The following GCNT2 variants were observed in gnomAD, a reference collection of about 807,000 sequenced individuals.
The protein encoded by GCNT2 is glucosaminyl (N-acetyl) transferase 2 (I blood group), also known as N-acetyllactosaminide beta-1,6-N-acetylglucosaminyl-transferase.
GCNT2 carries 34 observed loss-of-function variants against 34.2 expected under a neutral mutation model. That is an observed-to-expected ratio of 1.00 (90% CI 0.76 to 1.32). GCNT2 has a LOEUF of 1.32. Ranked by LOEUF, GCNT2 falls within the 40% of genes most tolerant of loss-of-function variation. GCNT2 has a pLI of 0.00. For synonymous variants in GCNT2, 212 were observed against 188.0 expected (o/e 1.13, Z -1.04); for missense variants, 584 against 489.4 (o/e 1.19, Z -1.82).
chr6:10,529,974 T>A (rs2113514730), intron 3 of GCNT2, 138 bp downstream of exon 3: 1 of 733,742 alleles, frequency 1.4e-6, no homozygotes, highest in South Asian at 1.7e-5. Context: ...AAAAATTTCA[T>A]CTGTAAAATG....
chr6:10,527,788 G>A (rs1761272271), intron 2 of GCNT2, 128 bp downstream of exon 2: 1 of 151,946 alleles, frequency 6.6e-6, no homozygotes, highest in African/African-American at 2.4e-5. Context: ...TCTGTTCCTG[G>A]ACACGGCGAT....
At chr6:10,614,644 A>AAAAAAG (rs1214651898) in intron 3 of GCNT2, among the ~76,000 whole-genome samples, 2,047 of 143,748 alleles carry the variant, frequency 0.014, 82 homozygotes, top group African/African-American at 0.052. Flanking sequence ...AAAAAAAAAA[A>AAAAAAG]AGAGAAAAAG....
At chr6:10,563,619 G>A (rs1460532079) in intron 3 of GCNT2, among the ~76,000 whole-genome samples, 1 of 151,622 alleles carries the variant, frequency 6.6e-6, no homozygotes, top group African/African-American at 2.4e-5. Flanking sequence ...GCAGGACCCT[G>A]TAATCCCAGC....
At chr6:10,540,531 T>A (rs1340416983) in intron 3 of GCNT2, among the ~76,000 whole-genome samples, 1 of 70,752 alleles carries the variant, frequency 1.4e-5, no homozygotes, top group Non-Finnish European at 3.1e-5. Flanking sequence ...CAGTTCCCTC[T>A]ATGCCCGGGC....
intron 3 of GCNT2, among the ~76,000 whole-genome samples, chr6:10,537,500 A>T (rs1581373724): frequency 6.6e-6 from 1 of 152,212 alleles, no homozygotes; most frequent in African/African-American, 2.4e-5. Flanking sequence ...CAGAAGTTTG[A>T]GACCATCCTG....
intron 3 of GCNT2, among the ~76,000 whole-genome samples, chr6:10,533,323 A>G (rs1212602523): frequency 6.6e-6 from 1 of 152,084 alleles, no homozygotes; most frequent in Non-Finnish European, 1.5e-5. Flanking sequence ...AAAATTTAAA[A>G]AAAAATTAGT....
At chr6:10,532,908 T>G (rs986314810) in intron 3 of GCNT2, among the ~76,000 whole-genome samples, 1 of 145,964 alleles carries the variant, frequency 6.9e-6, no homozygotes, top group Non-Finnish European at 1.5e-5. Context: ...TATGTTGTGG[T>G]TTTTGCTTTT....
intron 3 of GCNT2, among the ~76,000 whole-genome samples, chr6:10,605,886 G>C (rs1765288589): frequency 6.6e-6 from 1 of 152,058 alleles, no homozygotes; most frequent in African/African-American, 2.4e-5. Context: ...GCTCCACTAG[G>C]GCTAGATGGT....
At chr6:10,586,864 A>G in intron 3 of GCNT2, 1 of 1,613,992 alleles carries the variant, frequency 6.2e-7, no homozygotes, top group South Asian at 1.1e-5. Context: ...TGGTCAAAAG[A>G]TACCTATAGT....
chr6:10,611,416 C>T (rs532488279), intron 3 of GCNT2, among the ~76,000 whole-genome samples: 4 of 151,888 alleles, frequency 2.6e-5, no homozygotes, highest in South Asian at 2.1e-4. Flanking sequence ...CTGAAACCTC[C>T]GCCTCCCGGA....
chr6:10,547,872 A>AT (rs1762333482), intron 3 of GCNT2, among the ~76,000 whole-genome samples: 1 of 152,140 alleles, frequency 6.6e-6, no homozygotes, highest in African/African-American at 2.4e-5. Context: ...TATTTATTCA[A>AT]TGGGTTATAA....
chr6:10,544,172 G>C (rs1443644909), intron 3 of GCNT2, among the ~76,000 whole-genome samples: 1 of 152,094 alleles, frequency 6.6e-6, no homozygotes, highest in Non-Finnish European at 1.5e-5. Context: ...AAATTAGCCG[G>C]GCGTGGTGGT....
At position 10,586,207 on chromosome 6, in the gene GCNT2, C is replaced by T; in HGVS notation, c.926-35144C>T. 2 of 1,614,118 alleles carry T rather than the reference C, an allele frequency of 1.2e-6. 1 individual carries two copies. The highest frequency in any genetic ancestry group is 2.2e-5 in the South Asian group (2 of 91,086). Reference sequence around the variant, plus strand: ...TTACCATCACCTTTGCGAAGTGTCCCTTGCAAGGATTACCTGACCCAGAAT... The same window carrying T: ...TTACCATCACCTTTGCGAAGTGTCCTTTGCAAGGATTACCTGACCCAGAAT... On this transcript the variant is annotated intron_variant, in intron 3 of 4. Transcript: ENST00000495262.
intron 3 of GCNT2, among the ~76,000 whole-genome samples, chr6:10,531,040 C>CAAAA (rs568195630): frequency 0.12 from 11,812 of 95,236 alleles, 543 homozygotes; most frequent in Middle Eastern, 0.17. Context: ...GACTCTGTCT[C>CAAAA]AAAAAAAAAA....
At chr6:10,599,795 T>G (rs1310994128) in intron 3 of GCNT2, among the ~76,000 whole-genome samples, 1 of 152,230 alleles carries the variant, frequency 6.6e-6, no homozygotes, top group Non-Finnish European at 1.5e-5. Context: ...CCATGAATTA[T>G]GAACTCTTTA....
intron 1 of GCNT2, among the ~76,000 whole-genome samples, chr6:10,522,620 G>A (rs746528878): frequency 2.0e-5 from 3 of 152,132 alleles, no homozygotes; most frequent in Admixed American, 1.3e-4. Flanking sequence ...TGCAATTATC[G>A]GAAGAAGGGA....
intron 3 of GCNT2, among the ~76,000 whole-genome samples, chr6:10,564,657 C>T (rs1488589640): frequency 6.6e-6 from 1 of 152,198 alleles, no homozygotes; most frequent in Non-Finnish European, 1.5e-5. Flanking sequence ...GTTGTGTGAC[C>T]TCGGACAAAG....
chr6:10,573,496 G>T (rs958937570), intron 3 of GCNT2, among the ~76,000 whole-genome samples: 2 of 152,170 alleles, frequency 1.3e-5, no homozygotes, highest in African/African-American at 4.8e-5. Flanking sequence ...AAGTTGGGGT[G>T]GGGGCAGGTA....
intron 3 of GCNT2, among the ~76,000 whole-genome samples, chr6:10,576,626 T>A (rs1366490564): frequency 6.6e-6 from 1 of 151,870 alleles, no homozygotes; most frequent in African/African-American, 2.4e-5. Flanking sequence ...GAGGAATGGG[T>A]TGGGGAGTTC....
Sources: allele counts gnomAD v4.1 joint callset (sites outside exome capture counted in the v4.1 genomes callset), GRCh38; gene constraint gnomAD v4.1.1; transcripts MANE v1.5; gene names NCBI Gene and HGNC (gene_info 2026-07-23, HGNC 2026-07-21).